Variants in EGFLAM observed in about 807,000 individuals in gnomAD.
EGFLAM encodes the protein pikachurin.
A neutral mutation model predicts 113.1 loss-of-function variants in EGFLAM; 79 were observed. The observed-to-expected ratio is 0.70, with a 90% CI of 0.58 to 0.84. The LOEUF (loss-of-function observed/expected upper bound fraction) is 0.84, where lower values mean the gene tolerates loss of function less well. EGFLAM is among the 40% of genes least tolerant of loss of function. The pLI, the probability that EGFLAM is intolerant of heterozygous loss-of-function variation, is 0.00. For missense variants in EGFLAM, 1,265 were observed against 1,291.6 expected (o/e 0.98, Z 0.32); for synonymous variants, 504 against 487.6 (o/e 1.03, Z -0.44).
intron 1 of EGFLAM, among the ~76,000 whole-genome samples, chr5:38,315,856 A>G (rs1579762780): frequency 6.6e-6 from 1 of 152,116 alleles, no homozygotes; most frequent in Non-Finnish European, 1.5e-5. Flanking sequence ...CAGGTGGACC[A>G]CCTGAGGTCA....
At chr5:38,299,947 T>C (rs77420909) in intron 1 of EGFLAM, among the ~76,000 whole-genome samples, 19,976 of 152,140 alleles carry the variant, frequency 0.13, 1,603 homozygotes, top group Middle Eastern at 0.19. Context: ...TCTGCTGCCA[T>C]AGAACTTATA....
chr5:38,438,511 C>T, intron 17 of EGFLAM, 56 bp downstream of exon 17: 8 of 1,452,336 alleles, frequency 5.5e-6, no homozygotes, highest in Non-Finnish European at 7.3e-6. Context: ...GAACGGACAG[C>T]CAATTGGGGG....
chr5:38,426,353 T>C (rs1478743000), intron 13 of EGFLAM, among the ~76,000 whole-genome samples: 1 of 152,090 alleles, frequency 6.6e-6, no homozygotes, highest in Non-Finnish European at 1.5e-5. Context: ...TGGAAAATCA[T>C]GGAGGGTTCC....
chr5:38,447,139 C>T (rs1742739905), intron 17 of EGFLAM, among the ~76,000 whole-genome samples: 1 of 152,182 alleles, frequency 6.6e-6, no homozygotes, highest in African/African-American at 2.4e-5. Context: ...CTAGCCTCAT[C>T]CCCCGTTCAT....
rs75636349 is a variant in EGFLAM at position 38,273,231 on chromosome 5, C to G, written c.97+14380C>G. 8.0e-3 allele frequency among the ~76,000 whole-genome samples: 1,213 copies of G among 152,328 alleles called. 22 individuals carry two copies. Among genetic ancestry groups the G allele is most frequent in the African/African-American group, 0.028 (1,155 of 41,558 alleles). On this transcript the variant is annotated intron_variant, in intron 1 of 21. Coordinates refer to ENST00000322350, the MANE Select transcript of EGFLAM (RefSeq NM_152403.4). ...AATAAGCAAAGGAGTTTGCTTTGCA[C>G]TCTAATTCTGGGCTCACCACAGTAA... is the stretch of plus-strand genomic sequence containing the variant.
chr5:38,404,745 G>C (rs905228158), intron 6 of EGFLAM, among the ~76,000 whole-genome samples: 2 of 152,176 alleles, frequency 1.3e-5, no homozygotes, highest in African/African-American at 2.4e-5. Context: ...AGTTGTTACT[G>C]CCCTAAAGGC....
intron 6 of EGFLAM, among the ~76,000 whole-genome samples, chr5:38,378,813 C>T (rs1223457510): frequency 6.6e-6 from 1 of 152,178 alleles, no homozygotes; most frequent in Non-Finnish European, 1.5e-5. Context: ...TTCCTCATCT[C>T]TAAGATGGGT....
At chr5:38,437,119 C>G (rs1742375999) in intron 16 of EGFLAM, among the ~76,000 whole-genome samples, 1 of 152,200 alleles carries the variant, frequency 6.6e-6, no homozygotes, top group Non-Finnish European at 1.5e-5. Context: ...CTAGGGAACC[C>G]AGTAGCCCCT....
At chr5:38,461,131 A>G (rs939058983) in intron 20 of EGFLAM, 71 of 152,202 alleles carry the variant, frequency 4.7e-4, no homozygotes, top group African/African-American at 1.7e-3. Flanking sequence ...CTTTGTACGC[A>G]TAACATCTGA....
rs760609878 is a variant in EGFLAM at position 38,407,011 on chromosome 5, A to T, written c.1012A>T (p.Ile338Leu). The stretch of plus-strand genomic sequence containing the variant: ...GAGAAAGGGGAAGAATGGTGTGGCC[A>T]TAATGTCAAGGCTCTTTGACATGCC... ...IQRKGKNGVA[I>L]MSRLFDMPCD... The change falls in exon 8 of 22, where the codon ATA becomes TTA. Residue 338 changes from isoleucine (I) to leucine (L), a missense_variant. By Grantham distance (5) the Ile-to-Leu change is conservative (BLOSUM62 2). Coordinates refer to ENST00000322350, the MANE Select transcript of EGFLAM (RefSeq NM_152403.4). The T allele has an allele frequency of 6.2e-7, 1 of 1,614,086 alleles. No homozygotes were observed. The highest frequency in any genetic ancestry group is 1.3e-5 in the African/African-American group (1 of 74,936).
chr5:38,291,221 T>C (rs1437920051), intron 1 of EGFLAM, among the ~76,000 whole-genome samples: 3 of 152,218 alleles, frequency 2.0e-5, no homozygotes, highest in African/African-American at 7.2e-5. Flanking sequence ...TGGACTGTAT[T>C]TTATTAAGTT....
At chr5:38,316,008 C>A (rs537340474) in intron 1 of EGFLAM, among the ~76,000 whole-genome samples, 8 of 146,034 alleles carry the variant, frequency 5.5e-5, no homozygotes, top group African/African-American at 2.1e-4. Flanking sequence ...ACCCGGCATG[C>A]GGAGGTTGCA....
chr5:38,461,970 C>A (rs1019011610), intron 20 of EGFLAM, among the ~76,000 whole-genome samples: 1 of 151,974 alleles, frequency 6.6e-6, no homozygotes, highest in Non-Finnish European at 1.5e-5. Context: ...TCGAGACCAT[C>A]CTGGCTAACG....
At chr5:38,356,931 G>A (rs1185458546) in intron 5 of EGFLAM, among the ~76,000 whole-genome samples, 1 of 152,188 alleles carries the variant, frequency 6.6e-6, no homozygotes, top group African/African-American at 2.4e-5. Context: ...GATGGTATTA[G>A]GATGAGGTCT....
chr5:38,366,455 T>C (rs1330654019), intron 5 of EGFLAM, among the ~76,000 whole-genome samples: 1 of 152,236 alleles, frequency 6.6e-6, no homozygotes, highest in Non-Finnish European at 1.5e-5. Flanking sequence ...TCCTGGAATA[T>C]AACTTTTGTG....
chr5:38,385,790 G>A (rs1740644024), intron 6 of EGFLAM, among the ~76,000 whole-genome samples: 1 of 152,086 alleles, frequency 6.6e-6, no homozygotes, highest in Non-Finnish European at 1.5e-5. Context: ...CTGTAATACT[G>A]AACTAAATAC....
intron 6 of EGFLAM, among the ~76,000 whole-genome samples, chr5:38,373,452 T>C (rs910366247): frequency 1.3e-5 from 2 of 152,208 alleles, no homozygotes; most frequent in African/African-American, 4.8e-5. Flanking sequence ...GTCTCTCATT[T>C]CCATCTTTAT....
At position 38,336,090 on chromosome 5, in the gene EGFLAM, C is replaced by T. The variant is rs548872561; in HGVS notation, c.98-1430C>T. ...TTGGGAATAAATTGCCTAGCAATAGCGGGATGACAAATGCTGTTTATTATG... is the reference window on the plus strand; with the variant it reads ...TTGGGAATAAATTGCCTAGCAATAGTGGGATGACAAATGCTGTTTATTATG... On this transcript the variant is annotated intron_variant, in intron 1 of 21. Transcript: ENST00000322350. 6.0e-3 allele frequency among the ~76,000 whole-genome samples: 908 copies of T among 152,022 alleles called. 10 individuals are homozygous for T. Among genetic ancestry groups the T allele is most frequent in the African/African-American group, 0.02 (839 of 41,450 alleles).
intron 14 of EGFLAM, 102 bp downstream of exon 14, chr5:38,427,354 T>G: frequency 2.0e-6 from 3 of 1,527,138 alleles, no homozygotes; most frequent in Non-Finnish European, 8.8e-7. Flanking sequence ...ACTCATCCTG[T>G]CTTCTCTACA....
Sources: gnomAD v4.1 joint callset for allele counts (sites outside exome capture counted in the v4.1 genomes callset) on GRCh38, gnomAD v4.1.1 for gene constraint, MANE v1.5 for transcripts, NCBI Gene and HGNC (gene_info 2026-07-23, HGNC 2026-07-21) for gene names.